ZMIZ1: variants seen among roughly 807,000 people sequenced by gnomAD.
ZMIZ1 encodes zinc finger MIZ-type containing 1.
ZMIZ1 carries 17 observed loss-of-function variants against 113.9 expected under a neutral mutation model. That is an observed-to-expected ratio of 0.15 (90% confidence interval 0.10 to 0.22). ZMIZ1 has a LOEUF of 0.22. Among genes scored for constraint, ZMIZ1 ranks in the 10% least tolerant of loss-of-function variants. The pLI is 1.00. For missense variants in ZMIZ1, 1,059 were observed against 1,477.8 expected (o/e 0.72, Z 4.65); for synonymous variants, 607 against 603.1 (o/e 1.01, Z -0.09).
intron 2 of ZMIZ1, among the ~76,000 whole-genome samples, chr10:79,135,893 C>T (rs942981091): frequency 6.6e-6 from 1 of 152,172 alleles, no homozygotes; most frequent in Non-Finnish European, 1.5e-5. Context: ...CGGCCACCCA[C>T]CCACCCGCCG....
intron 1 of ZMIZ1, among the ~76,000 whole-genome samples, chr10:79,081,177 A>G (rs1227148826): frequency 7.9e-6 from 1 of 126,340 alleles, no homozygotes; most frequent in East Asian, 2.3e-4. Context: ...AGGACCTTGC[A>G]GAATGTGGTG....
intron 7 of ZMIZ1, among the ~76,000 whole-genome samples, chr10:79,257,352 G>A (rs866001320): frequency 6.6e-6 from 1 of 152,236 alleles, no homozygotes; most frequent in South Asian, 2.1e-4. Flanking sequence ...TTTGCACCTG[G>A]TGCCACTGAG....
Position 79,313,988 on chromosome 10 carries a change from G to C in ZMIZ1, c.*1239G>C. The C allele has an allele frequency of 6.6e-6, 3 of 453,702 alleles. No individual in the cohort carries two copies. In the Admixed American group the frequency reaches 7.1e-5, roughly 11 times the overall value. 28.1% of individuals were successfully genotyped at this position (453,702 alleles called of 1,614,324 possible). On this transcript the variant is annotated 3_prime_UTR_variant, in exon 25 of 25. Transcript: ENST00000334512. ...GCCCAGGCCATGGACATGTGCACCA[G>C]TATGTACCTGCAGGCATGGGGGGGA...
At chr10:79,076,264 T>A (rs562326477) in intron 1 of ZMIZ1, among the ~76,000 whole-genome samples, 1 of 152,212 alleles carries the variant, frequency 6.6e-6, no homozygotes, top group Non-Finnish European at 1.5e-5. Context: ...GAAACATGTA[T>A]TGAGTGTGTG....
At chr10:79,289,360 G>GA (rs1853310355) in intron 8 of ZMIZ1, among the ~76,000 whole-genome samples, 1 of 152,180 alleles carries the variant, frequency 6.6e-6, no homozygotes, top group Non-Finnish European at 1.5e-5. Flanking sequence ...CCTGTACTGA[G>GA]AAGGGACCAA....
At chr10:79,128,454 C>T (rs1163485735) in intron 2 of ZMIZ1, among the ~76,000 whole-genome samples, 2 of 152,220 alleles carry the variant, frequency 1.3e-5, no homozygotes, top group East Asian at 3.9e-4. Flanking sequence ...CTTTTCTCAT[C>T]TCAGAAATGG....
chr10:79,248,820 A>C (rs1490993054), intron 7 of ZMIZ1, among the ~76,000 whole-genome samples: 2 of 152,100 alleles, frequency 1.3e-5, no homozygotes, highest in Non-Finnish European at 2.9e-5. Context: ...GAGGCTTTAA[A>C]TCAATGTGTG....
intron 1 of ZMIZ1, among the ~76,000 whole-genome samples, chr10:79,095,165 G>C (rs1269484966): frequency 2.6e-5 from 4 of 152,090 alleles, no homozygotes; most frequent in African/African-American, 4.8e-5. Flanking sequence ...AGTTTTCATG[G>C]GTAGAAAGTG....
At chr10:79,257,219 T>C (rs1278880979) in intron 7 of ZMIZ1, among the ~76,000 whole-genome samples, 2 of 152,220 alleles carry the variant, frequency 1.3e-5, no homozygotes, top group Admixed American at 6.5e-5. Flanking sequence ...TGAGGACCAC[T>C]GTGGGGACCC....
chr10:79,261,844 A>C (rs746269866), intron 7 of ZMIZ1, among the ~76,000 whole-genome samples: 35 of 152,208 alleles, frequency 2.3e-4, no homozygotes, highest in Non-Finnish European at 3.5e-4. Flanking sequence ...ATAGGTTTGC[A>C]TGCAGGCAAA....
At chr10:79,129,319 G>A (rs772518195) in intron 2 of ZMIZ1, among the ~76,000 whole-genome samples, 2 of 152,218 alleles carry the variant, frequency 1.3e-5, no homozygotes, top group African/African-American at 2.4e-5. Context: ...CCTGGTTTTA[G>A]CATGGAAAAT....
chr10:79,277,365 C>T, intron 8 of ZMIZ1, 40 bp downstream of exon 8: 1 of 1,533,084 alleles, frequency 6.5e-7, no homozygotes, highest in South Asian at 1.2e-5. Context: ...ACTGAGCAGA[C>T]ACCCCTCTGG....
chr10:79,240,638 C>CTTTTTTTTTTTTTTTTTGTTTTTTTTT, intron 7 of ZMIZ1, among the ~76,000 whole-genome samples: 1 of 55,312 alleles, frequency 1.8e-5, no homozygotes. Context: ...GAGTATTTAT[C>CTTTTTTTTTTTTTTTTTGTTTTTTTTT]TTTTTTTTTT....
At chr10:79,111,375 G>A (rs1564656536) in intron 1 of ZMIZ1, among the ~76,000 whole-genome samples, 1 of 152,238 alleles carries the variant, frequency 6.6e-6, no homozygotes, top group Admixed American at 6.5e-5. Context: ...GGAAGGGATG[G>A]CATTCCAGAA....
intron 4 of ZMIZ1, among the ~76,000 whole-genome samples, chr10:79,167,597 G>A (rs561903574): frequency 3.3e-5 from 5 of 152,292 alleles, no homozygotes; most frequent in Non-Finnish European, 5.9e-5. Flanking sequence ...ATAGAGGAAA[G>A]GCGATGTGAG....
At chr10:79,230,577 G>A (rs1005114351) in intron 7 of ZMIZ1, among the ~76,000 whole-genome samples, 1 of 152,224 alleles carries the variant, frequency 6.6e-6, no homozygotes, top group Non-Finnish European at 1.5e-5. Flanking sequence ...GCCCGCCTGT[G>A]TGCAGGGTCC....
intron 7 of ZMIZ1, among the ~76,000 whole-genome samples, chr10:79,260,389 C>T (rs372648463): frequency 9.9e-5 from 15 of 152,100 alleles, no homozygotes; most frequent in East Asian, 7.7e-4. Context: ...TGGGGAGGTA[C>T]GACAATTCAT....
At chr10:79,214,469 C>T (rs1233868267) in intron 6 of ZMIZ1, among the ~76,000 whole-genome samples, 2 of 152,238 alleles carry the variant, frequency 1.3e-5, no homozygotes, top group South Asian at 2.1e-4. Flanking sequence ...CCATTGGCTC[C>T]TCCCTGATTT....
chr10:79,276,082 C>G (rs971989264), intron 7 of ZMIZ1, among the ~76,000 whole-genome samples: 4 of 152,204 alleles, frequency 2.6e-5, no homozygotes, highest in Non-Finnish European at 5.9e-5. Context: ...GAGGTGTGGC[C>G]ACCCTTTGTC....
Sources: allele counts gnomAD v4.1 joint callset (sites outside exome capture counted in the v4.1 genomes callset), GRCh38; gene constraint gnomAD v4.1.1; transcripts MANE v1.5; gene names NCBI Gene and HGNC (gene_info 2026-07-23, HGNC 2026-07-21).